Variants in GTF2A1L observed in about 807,000 individuals in gnomAD.
GTF2A1L encodes TFIIA-alpha and beta-like factor.
GTF2A1L carries 48 observed loss-of-function variants against 49.7 expected under a neutral mutation model. The observed-to-expected ratio is 0.97, with a 90% CI of 0.77 to 1.23. The LOEUF is 1.23. GTF2A1L is among the 50% of genes most tolerant of loss of function. The pLI is 0.00. For synonymous variants in GTF2A1L, 246 were observed against 193.5 expected (o/e 1.27, Z -2.25); for missense variants, 736 against 564.8 (o/e 1.30, Z -3.07).
At chr2:48,649,510 T>C (rs1378505230) in intron 6 of GTF2A1L, among the ~76,000 whole-genome samples, 1 of 152,250 alleles carries the variant, frequency 6.6e-6, no homozygotes. Context: ...GAATCCCTTC[T>C]CTATTCCTTA....
At chr2:48,630,630 T>C (rs942759408) in intron 3 of GTF2A1L, among the ~76,000 whole-genome samples, 1 of 142,884 alleles carries the variant, frequency 7.0e-6, no homozygotes, top group Admixed American at 7.1e-5. Context: ...GATTGTTCTA[T>C]ACCTCCAGTA....
In GTF2A1L at chr2:48,617,882, G is replaced by T. The variant is rs372517755; in HGVS notation, c.8G>T (p.Cys3Phe). The change falls in exon 1 of 9, where the codon TGC (cysteine) becomes TTC (phenylalanine). Residue 3 changes from cysteine to phenylalanine, a missense_variant. By Grantham distance (205) the Cys-to-Phe change is radical. Transcript: ENST00000403751. Reference protein sequence around the residue: MACLNPVPKLYRS... With the variant: MAFLNPVPKLYRS... ...GGTGCTGGAGGTGCTGTCATGGCCT[G>T]CCTCAACCCGGTGGTAAGGAAGACC... 1 of 1,551,860 alleles carries T rather than the reference G, an allele frequency of 6.4e-7. No individual in the cohort carries two copies. Among genetic ancestry groups the T allele is most frequent in the Admixed American group, 2.0e-5 (1 of 51,014 alleles).
chr2:48,635,744 T>C (rs7592487), intron 3 of GTF2A1L, among the ~76,000 whole-genome samples: 6,054 of 152,098 alleles, frequency 0.04, 389 homozygotes, highest in African/African-American at 0.14. Flanking sequence ...AATGCTTGTA[T>C]GGCCATGCAG....
chr2:48,651,182 C>A (rs1677824268), intron 6 of GTF2A1L, among the ~76,000 whole-genome samples: 1 of 151,910 alleles, frequency 6.6e-6, no homozygotes, highest in East Asian at 1.9e-4. Context: ...GAATATTGGA[C>A]ATTATTGAGC....
At chr2:48,651,586 A>T (rs73931112) in intron 6 of GTF2A1L, among the ~76,000 whole-genome samples, 1 of 152,110 alleles carries the variant, frequency 6.6e-6, no homozygotes, top group South Asian at 2.1e-4. Context: ...GTTGCTGTCT[A>T]TTTCAGCACA....
intron 6 of GTF2A1L, among the ~76,000 whole-genome samples, chr2:48,661,793 C>T (rs1261634414): frequency 1.3e-5 from 2 of 152,026 alleles, no homozygotes; most frequent in Non-Finnish European, 2.9e-5. Context: ...CTATTCATAT[C>T]CTGGATCTTT....
rs577368140 is a variant in GTF2A1L, at chr2:48,620,886, T to G, written c.57T>G (p.Ile19Met). Residue 19 changes from isoleucine (I) to methionine (M), a missense_variant, in exon 2 of 9, where the codon ATT (isoleucine) becomes ATG (methionine). Physicochemically the swap from Ile to Met is conservative, Grantham distance 10. Coordinates refer to ENST00000403751, the MANE Select transcript of GTF2A1L (RefSeq NM_006872.5). ...KLYRSVIEDV[I>M]EGVRNLFAEE... ...ACAGATCTGTAATTGAAGATGTAATTGAAGGAGTTCGGAATCTATTTGCTG... is the reference window on the plus strand; with the variant it reads ...ACAGATCTGTAATTGAAGATGTAATGGAAGGAGTTCGGAATCTATTTGCTG... 2 of 1,602,492 alleles carry G rather than the reference T, an allele frequency of 1.2e-6. No homozygotes were observed. The highest frequency in any genetic ancestry group is 2.3e-5 in the South Asian group (2 of 88,848).
In GTF2A1L at chr2:48,647,643, C is replaced by T. The variant is rs555952349; in HGVS notation, c.978+601C>T. 7.4e-3 allele frequency among the ~76,000 whole-genome samples: 1,122 copies of T among 152,064 alleles called. 12 individuals carry two copies. Among genetic ancestry groups the T allele is most frequent in the African/African-American group, 0.026 (1,072 of 41,518 alleles). Reference sequence around the variant, plus strand: ...ATTCCTATATGGAAACTTTTCCCTACATGAGGGATTATGTTGCTAGTAATT... The same window carrying T: ...ATTCCTATATGGAAACTTTTCCCTATATGAGGGATTATGTTGCTAGTAATT... On this transcript the variant is annotated intron_variant, in intron 6 of 8. Transcript: ENST00000403751.
Position 48,619,682 on chromosome 2 carries a change from G to C in GTF2A1L, c.22-1169G>C, listed in dbSNP as rs927959392. Among the ~76,000 whole-genome samples, 7 of 152,074 alleles carry C rather than the reference G, an allele frequency of 4.6e-5. 1 individual carries two copies. Among genetic ancestry groups the C allele is most frequent in the Admixed American group, 4.6e-4 (7 of 15,274 alleles). ...CTAAATTCCTGCTTTGCTGTTTCTT[G>C]CCGGTGGAACTTCCACTAAGTCAGT... On this transcript the variant is annotated intron_variant, in intron 1 of 8. Transcript: ENST00000403751.
Position 48,645,108 on chromosome 2 carries a change from A to T in GTF2A1L, c.379A>T (p.Thr127Ser). ...TGTACCAGCAGGTGTGACACTACAG[A>T]CTGTATCTGGTGAGAGTATATTCTA... ...IHVPAGVTLQTVSGHLYKVNV... is the reference protein window; with the variant it reads ...IHVPAGVTLQSVSGHLYKVNV... Residue 127 changes from threonine (T) to serine (S), a missense_variant, in exon 5 of 9, where the codon ACT becomes TCT. Thr to Ser is a moderately conservative substitution (Grantham distance 58). Transcript: ENST00000403751. 1 of 1,609,582 alleles carries T rather than the reference A, an allele frequency of 6.2e-7. No homozygotes were observed. Among genetic ancestry groups the T allele is most frequent in the Non-Finnish European group, 8.5e-7 (1 of 1,178,540 alleles).
At chr2:48,672,617 T>C (rs967345425) in intron 8 of GTF2A1L, among the ~76,000 whole-genome samples, 2 of 152,142 alleles carry the variant, frequency 1.3e-5, no homozygotes, top group Admixed American at 6.5e-5. Context: ...TGAAGGTGTC[T>C]CTCAGGTTTC....
At chr2:48,621,597 C>G (rs545585064) in intron 3 of GTF2A1L, among the ~76,000 whole-genome samples, 2 of 152,144 alleles carry the variant, frequency 1.3e-5, no homozygotes, top group African/African-American at 2.4e-5. Flanking sequence ...GATAATTTGA[C>G]TGGGTCTAGT....
At chr2:48,635,132 C>T (rs1676816817) in intron 3 of GTF2A1L, among the ~76,000 whole-genome samples, 1 of 152,050 alleles carries the variant, frequency 6.6e-6, no homozygotes, top group Non-Finnish European at 1.5e-5. Flanking sequence ...CTTCCTGCAT[C>T]AAGATCTCTG....
At chr2:48,670,817 G>A (rs896066420) in intron 7 of GTF2A1L, among the ~76,000 whole-genome samples, 1 of 92,338 alleles carries the variant, frequency 1.1e-5, no homozygotes, top group Non-Finnish European at 2.4e-5. Flanking sequence ...ATGGCCAAAC[G>A]GGATTTATTT....
chr2:48,663,753 C>G (rs992566406), intron 6 of GTF2A1L, among the ~76,000 whole-genome samples: 1 of 152,102 alleles, frequency 6.6e-6, no homozygotes, highest in Non-Finnish European at 1.5e-5. Context: ...GATTCTCCTG[C>G]CTCAGCCTCC....
chr2:48,673,975 C>G (rs1405596446), intron 8 of GTF2A1L, among the ~76,000 whole-genome samples: 1 of 152,070 alleles, frequency 6.6e-6, no homozygotes, highest in Non-Finnish European at 1.5e-5. Flanking sequence ...CCTGCTTCTG[C>G]CATTTTTTCA....
In GTF2A1L at chr2:48,645,200, C is replaced by G. The variant is rs1677428215; in HGVS notation, c.388+83C>G. The G allele has an allele frequency of 5.8e-6, 7 of 1,202,566 alleles. No homozygotes were observed. The East Asian group carries it at 1.8e-4, about 30-fold the overall frequency. 74.5% of individuals were successfully genotyped at this position (1,202,566 alleles called of 1,614,324 possible). A position where few individuals can be genotyped will look rare whatever the true frequency, so the allele number is the denominator to read the frequency against. On this transcript the variant is annotated intron_variant, in intron 5 of 8. Coordinates refer to ENST00000403751, the MANE Select transcript of GTF2A1L (RefSeq NM_006872.5). ...TTAAGCTTCATGATTTTTAAATAAA[C>G]TATATACCAGAAGTTATAAGAACTT...
intron 6 of GTF2A1L, among the ~76,000 whole-genome samples, chr2:48,661,874 G>C (rs914757178): frequency 6.6e-6 from 1 of 151,956 alleles, no homozygotes; most frequent in Non-Finnish European, 1.5e-5. Context: ...CTTTTGATTG[G>C]GGAGTTTAAT....
rs1400448190 is a variant in GTF2A1L at position 48,671,648 on chromosome 2, A to G, written c.1297A>G (p.Thr433Ala). Residue 433 changes from threonine to alanine, a missense_variant, in exon 8 of 9, where the codon ACG becomes GCG. By Grantham distance (58) the Thr-to-Ala change is moderately conservative. Transcript: ENST00000403751. Reference sequence around the variant, plus strand: ...ACAGGATGTGCCAGACCTGTTTGACACGGATAATGTTATTGTCTGTCAGTA... The same window carrying G: ...ACAGGATGTGCCAGACCTGTTTGACGCGGATAATGTTATTGTCTGTCAGTA... Reference protein sequence around the residue: ...SEQDVPDLFDTDNVIVCQYDK... With the variant: ...SEQDVPDLFDADNVIVCQYDK... 1 of 1,613,752 alleles carries G rather than the reference A, an allele frequency of 6.2e-7. No homozygotes were observed. The highest frequency in any genetic ancestry group is 8.5e-7 in the Non-Finnish European group (1 of 1,179,730).
Sources: gnomAD v4.1 joint callset for allele counts (sites outside exome capture counted in the v4.1 genomes callset) on GRCh38, gnomAD v4.1.1 for gene constraint, MANE v1.5 for transcripts, NCBI Gene and HGNC (gene_info 2026-07-23, HGNC 2026-07-21) for gene names.